The following CLEC12A variants were observed in gnomAD, a reference collection of about 807,000 sequenced individuals.
CLEC12A encodes C-type lectin domain family 12 member A.
A neutral mutation model predicts 26.5 loss-of-function variants in CLEC12A; 22 were observed. The observed-to-expected ratio is 0.83, with a 90% CI of 0.59 to 1.19. CLEC12A has a LOEUF of 1.19. Among genes scored for constraint, CLEC12A ranks in the 50% most tolerant of loss-of-function variants. CLEC12A has a pLI of 0.00. For missense variants in CLEC12A, 353 were observed against 315.6 expected (o/e 1.12, Z -0.90); for synonymous variants, 119 against 101.9 (o/e 1.17, Z -1.01).
intron 1 of CLEC12A, among the ~76,000 whole-genome samples, chr12:9,977,588 A>C (rs1591829372): frequency 6.6e-6 from 1 of 152,156 alleles, no homozygotes; most frequent in African/African-American, 2.4e-5. Flanking sequence ...CTTCCTACTT[A>C]TTTTGCATGC....
chr12:9,953,818 T>C (rs1863692868), intron 1 of CLEC12A, among the ~76,000 whole-genome samples: 1 of 152,148 alleles, frequency 6.6e-6, no homozygotes, highest in Non-Finnish European at 1.5e-5. Flanking sequence ...GCCGTGTCTG[T>C]GTAGAAAGAA....
chr12:9,974,691 CA>C (rs1244652535), intron 1 of CLEC12A, among the ~76,000 whole-genome samples: 1 of 152,084 alleles, frequency 6.6e-6, no homozygotes, highest in Non-Finnish European at 1.5e-5. Flanking sequence ...TGATACTTTG[CA>C]GTCTTTCTGT....
At chr12:9,975,905 G>A (rs1451706096) in intron 1 of CLEC12A, among the ~76,000 whole-genome samples, 1 of 152,202 alleles carries the variant, frequency 6.6e-6, no homozygotes, top group Non-Finnish European at 1.5e-5. Context: ...GACTAAAAGA[G>A]GCTAAGGTAC....
the CLEC12A span, among the ~76,000 whole-genome samples, chr12:10,003,947 C>T: frequency 6.6e-6 from 1 of 152,060 alleles, no homozygotes; most frequent in Non-Finnish European, 1.5e-5. Flanking sequence ...TAAGCAGTAC[C>T]ATCTAACCTC....
intron 1 of CLEC12A, among the ~76,000 whole-genome samples, chr12:9,960,444 C>T (rs574084317): frequency 6.6e-6 from 1 of 152,272 alleles, no homozygotes; most frequent in African/African-American, 2.4e-5. Context: ...TATTATTTAT[C>T]ATCCTTGTTC....
In CLEC12A at chr12:9,993,402, A is replaced by G. The variant is rs558475804; in HGVS notation, n.1005-1616A>G. ...TAGAGACTGAGGAAAATAGGAAAAA[A>G]AAACAAAAAAAAAAACGATTCTCAT... On this transcript the variant is annotated intron_variant and non_coding_transcript_variant, in intron 4 of 4. Coordinates refer to the CLEC12A transcript ENST00000449959. 7.4e-6 allele frequency: 5 copies of G among 674,806 alleles called. 1 individual carries two copies. In the Middle Eastern group the frequency reaches 9.9e-4, roughly 134 times the overall value. 41.8% of individuals were successfully genotyped at this position (674,806 alleles called of 1,614,324 possible). A position where few individuals can be genotyped will look rare whatever the true frequency, so the allele number is the denominator to read the frequency against.
At chr12:9,993,689 G>A (rs1591847128) in intron 4 of CLEC12A, among the ~76,000 whole-genome samples, 2 of 152,098 alleles carry the variant, frequency 1.3e-5, no homozygotes, top group East Asian at 1.9e-4. Context: ...AGCTGCACTA[G>A]ATGGGAATAC....
chr12:9,965,575 T>G (rs1190857762), intron 1 of CLEC12A, among the ~76,000 whole-genome samples: 2 of 151,772 alleles, frequency 1.3e-5, no homozygotes, highest in African/African-American at 2.4e-5. Flanking sequence ...AACAGAATAA[T>G]GGGTTGTGGA....
intron 1 of CLEC12A, among the ~76,000 whole-genome samples, chr12:9,956,011 G>T (rs1406267336): frequency 6.6e-6 from 1 of 152,192 alleles, no homozygotes; most frequent in Non-Finnish European, 1.5e-5. Context: ...AGTTGAAGGA[G>T]ATAGTTTCAT....
chr12:9,976,996 T>TATG lies in CLEC12A; in HGVS notation c.92-1970_92-1969insATG, dbSNP rs1253094223. 1.6e-3 allele frequency among the ~76,000 whole-genome samples: 244 copies of TATG among 152,268 alleles called. 1 individual carries two copies. Among genetic ancestry groups the TATG allele is most frequent in the East Asian group, 1.4e-3 (7 of 5,182 alleles). ...TGAGGCCTCCCCAGCCGCGTGAAAC[T>TATG]GTGAATCCATTAAACCTCTCTTTCC... On this transcript the variant is annotated intron_variant, in intron 1 of 5. Transcript: ENST00000304361.
chr12:9,969,135 A>G (rs1864042504), upstream of CLEC12A, among the ~76,000 whole-genome samples: 1 of 152,218 alleles, frequency 6.6e-6, no homozygotes, highest in Non-Finnish European at 1.5e-5. Flanking sequence ...GGTTGGGTAC[A>G]AAAATAAAAT....
chr12:10,005,847 T>A, the CLEC12A span, among the ~76,000 whole-genome samples: 2 of 152,244 alleles, frequency 1.3e-5, no homozygotes, highest in African/African-American at 4.8e-5. Context: ...CTGGCTTTCA[T>A]CTTCACTTTT....
At chr12:9,965,172 G>C (rs532424497) in intron 1 of CLEC12A, among the ~76,000 whole-genome samples, 1 of 152,126 alleles carries the variant, frequency 6.6e-6, no homozygotes, top group African/African-American at 2.4e-5. Flanking sequence ...AGACATGAGG[G>C]CTAGGCTAAA....
chr12:9,997,274 T>C, downstream of CLEC12A: 2 of 1,610,642 alleles, frequency 1.2e-6, no homozygotes, highest in Non-Finnish European at 1.7e-6. Flanking sequence ...TTGCGCTGCA[T>C]GACAGCTAGG....
chr12:9,974,618 C>T (rs1591825744), intron 1 of CLEC12A, among the ~76,000 whole-genome samples: 1 of 152,252 alleles, frequency 6.6e-6, no homozygotes, highest in Middle Eastern at 3.4e-3. Flanking sequence ...ATACAATTTT[C>T]AAGTGTTTTC....
chr12:9,989,872 C>T (rs1864853609), downstream of CLEC12A, among the ~76,000 whole-genome samples: 1 of 152,070 alleles, frequency 6.6e-6, no homozygotes, highest in South Asian at 2.1e-4. Context: ...TAAGTTAAAG[C>T]CAGTAGTCTT....
exon 5 of CLEC12A, chr12:9,995,684 A>C (rs1865026894): frequency 4.2e-6 from 1 of 238,384 alleles, no homozygotes; most frequent in Non-Finnish European, 8.3e-6. Context: ...AAAATCTTAC[A>C]TATGGAAGTA....
chr12:9,996,699 G>A (rs777707136), downstream of CLEC12A: 2 of 808,172 alleles, frequency 2.5e-6, no homozygotes, highest in South Asian at 1.4e-5. Flanking sequence ...TCTGGGTTCT[G>A]TAATTCTTAC....
rs71450015 is a variant in CLEC12A, at chr12:9,992,988, G to A, written n.1005-2030G>A. 2.5e-4 allele frequency: 162 copies of A among 644,008 alleles called. No individual in the cohort carries two copies. The East Asian group carries it at 4.0e-3, about 16-fold the overall frequency. The allele number at this position is 644,008 out of a possible 1,614,324, so 39.9% of individuals were successfully genotyped here. On this transcript the variant is annotated intron_variant and non_coding_transcript_variant, in intron 4 of 4. Coordinates refer to the CLEC12A transcript ENST00000449959. ...TGATGGCTTCTGTATATTCAAAGAA[G>A]GGACTAGGTAATTCTGATAGGAAAG...
Sources: allele counts gnomAD v4.1 joint callset (sites outside exome capture counted in the v4.1 genomes callset), GRCh38; gene constraint gnomAD v4.1.1; transcripts MANE v1.5; gene names NCBI Gene and HGNC (gene_info 2026-07-23, HGNC 2026-07-21).